Variants in DCAF7 observed in about 807,000 individuals in gnomAD.
The protein encoded by DCAF7 is DDB1- and CUL4-associated factor 7.
In DCAF7, 4 loss-of-function variants were observed where a neutral mutation model predicts 41.2. That is an observed-to-expected ratio of 0.10 (90% CI 0.05 to 0.22). The LOEUF (loss-of-function observed/expected upper bound fraction) is 0.22, where lower values mean the gene tolerates loss of function less well. Ranked by LOEUF, DCAF7 falls within the 10% of genes least tolerant of loss-of-function variation. DCAF7 has a pLI of 1.00. For synonymous variants in DCAF7, 143 were observed against 164.2 expected, an observed-to-expected ratio of 0.87 and a Z score of 0.99; for missense variants, 131 against 443.2, an observed-to-expected ratio of 0.30 and a Z score of 6.32.
chr17:63,576,749 A>G (rs1424131817), intron 1 of DCAF7, among the ~76,000 whole-genome samples: 1 of 152,040 alleles, frequency 6.6e-6, no homozygotes, highest in Non-Finnish European at 1.5e-5. Context: ...CCCCATCTCT[A>G]CAAAAAATTT....
intron 1 of DCAF7, among the ~76,000 whole-genome samples, chr17:63,578,156 G>A (rs1020911998): frequency 3.3e-5 from 5 of 152,136 alleles, no homozygotes; most frequent in Non-Finnish European, 7.3e-5. Context: ...TTGAGCCCAG[G>A]AGTTCAAGGC....
chr17:63,564,760 G>A (rs537271449), intron 1 of DCAF7, among the ~76,000 whole-genome samples: 6 of 152,198 alleles, frequency 3.9e-5, no homozygotes, highest in Non-Finnish European at 5.9e-5. Context: ...CACCTGTCTC[G>A]GGCTTCAGCC....
chr17:63,555,964 G>A (rs1190749724), intron 1 of DCAF7, among the ~76,000 whole-genome samples: 1 of 152,284 alleles, frequency 6.6e-6, no homozygotes, highest in South Asian at 2.1e-4. Flanking sequence ...TCTGAGCCAC[G>A]AGCCAAAGGT....
At chr17:63,577,867 A>T (rs1188407133) in intron 1 of DCAF7, among the ~76,000 whole-genome samples, 5 of 152,174 alleles carry the variant, frequency 3.3e-5, no homozygotes, top group Non-Finnish European at 7.3e-5. Context: ...GGCCTGGCAG[A>T]TAGTGCACTT....
intron 1 of DCAF7, among the ~76,000 whole-genome samples, chr17:63,557,195 A>G (rs2147758540): frequency 6.6e-6 from 1 of 152,320 alleles, no homozygotes; most frequent in South Asian, 2.1e-4. Flanking sequence ...TGTGAGTTCA[A>G]AGAACTTAAG....
chr17:63,583,478 C>A, intron 4 of DCAF7, 24 bp from the exon 5 acceptor site: 1 of 1,604,460 alleles, frequency 6.2e-7, no homozygotes, highest in Non-Finnish European at 8.5e-7. Flanking sequence ...CTGAATCTGA[C>A]TGGAGCTTCT....
Position 63,550,641 on chromosome 17 carries a change from C to T in DCAF7, c.-37C>T, listed in dbSNP as rs2033238797. ...TCGGCTCCCCGCCCGCCGCAGCCCACTGTTGACCCGGCCCGTACTGCGGCC... is the reference window on the plus strand; with the variant it reads ...TCGGCTCCCCGCCCGCCGCAGCCCATTGTTGACCCGGCCCGTACTGCGGCC... On this transcript the variant is annotated 5_prime_UTR_variant, in exon 1 of 7. Coordinates refer to ENST00000614556, the MANE Select transcript of DCAF7 (RefSeq NM_005828.5). The surrounding 1 kb of genome is among the most constrained non-coding windows in gnomAD (Gnocchi z 4.8). The T allele has an allele frequency of 6.2e-7, 1 of 1,608,568 alleles. No individual in the cohort carries two copies. The highest frequency in any genetic ancestry group is 8.5e-7 in the Non-Finnish European group (1 of 1,177,210).
At chr17:63,565,990 A>G (rs1321605451) in intron 1 of DCAF7, among the ~76,000 whole-genome samples, 1 of 152,016 alleles carries the variant, frequency 6.6e-6, no homozygotes, top group East Asian at 1.9e-4. Flanking sequence ...AATCCTAGCT[A>G]CTCAGGAAAC....
At chr17:63,583,418 T>C (rs909785377) in intron 4 of DCAF7, 84 bp from the exon 5 acceptor site, 1 of 1,237,616 alleles carries the variant, frequency 8.1e-7, no homozygotes, top group Admixed American at 2.0e-5. Flanking sequence ...GAGGTTTAGA[T>C]GAACTGGACG....
intron 4 of DCAF7, among the ~76,000 whole-genome samples, chr17:63,582,950 A>G (rs2033639880): frequency 6.6e-6 from 1 of 152,196 alleles, no homozygotes; most frequent in Non-Finnish European, 1.5e-5. Context: ...GGTGCTACTA[A>G]CCTATTTGTG....
At chr17:63,580,474 A>G (rs1436922936) in intron 4 of DCAF7, among the ~76,000 whole-genome samples, 1 of 87,564 alleles carries the variant, frequency 1.1e-5, no homozygotes, top group Non-Finnish European at 2.3e-5. Flanking sequence ...TTCTGTGTTT[A>G]TTGGGAAAAC....
intron 1 of DCAF7, among the ~76,000 whole-genome samples, chr17:63,555,234 G>A (rs1414906732): frequency 2.6e-5 from 4 of 152,164 alleles, no homozygotes; most frequent in Admixed American, 6.5e-5. Flanking sequence ...GTGTGATTGG[G>A]ATTTAGTTTG....
chr17:63,551,891 C>CAAAAAAAAAAAAAAAAAAAAA lies in DCAF7; in HGVS notation c.138+1096_138+1116dup, dbSNP rs529811578. Among the ~76,000 whole-genome samples the CAAAAAAAAAAAAAAAAAAAAA allele has an allele frequency of 1.5e-4, 4 of 27,292 alleles. 1 individual carries two copies. Among genetic ancestry groups the CAAAAAAAAAAAAAAAAAAAAA allele is most frequent in the Non-Finnish European group, 3.2e-4 (4 of 12,474 alleles). The allele number at this position is 27,292 out of a possible 152,430, so 17.9% of individuals were successfully genotyped here. ...GTGAAACCCCGTCTCTACTAAAATA[C>CAAAAAAAAAAAAAAAAAAAAA]AAAAAAAAAAAAAAAAAAAAAAAAA... On this transcript the variant is annotated intron_variant, in intron 1 of 6. Transcript: ENST00000614556.
rs1426731741 is a variant in DCAF7 at position 63,591,159 on chromosome 17, A to G, written c.*1987A>G. The G allele has an allele frequency of 6.6e-6, 1 of 152,126 alleles. No homozygotes were observed. Among genetic ancestry groups the G allele is most frequent in the Non-Finnish European group, 1.5e-5 (1 of 68,018 alleles). The allele number at this position is 152,126 out of a possible 1,614,324, so 9.4% of individuals were successfully genotyped here. A position where few individuals can be genotyped will look rare whatever the true frequency, so the allele number is the denominator to read the frequency against. On this transcript the variant is annotated 3_prime_UTR_variant, in exon 7 of 7. Transcript: ENST00000614556. Reference sequence around the variant, plus strand: ...CCTTCTCTCAAGGGTAGCAAGGCCAAGCTGATGGCTGCTTGTTTAGGAGGC... The same window carrying G: ...CCTTCTCTCAAGGGTAGCAAGGCCAGGCTGATGGCTGCTTGTTTAGGAGGC...
At chr17:63,574,297 C>T (rs73332092) in intron 1 of DCAF7, among the ~76,000 whole-genome samples, 2,214 of 152,174 alleles carry the variant, frequency 0.015, 55 homozygotes, top group African/African-American at 0.049. Context: ...CAATTGTTAT[C>T]GATTATTATC....
At position 63,594,204 on chromosome 17, in the gene DCAF7, C is replaced by T. The variant is rs1265901496; in HGVS notation, c.*5032C>T. On this transcript the variant is annotated 3_prime_UTR_variant, in exon 7 of 7. Transcript: ENST00000614556. ...TTTCACCCTTTCATTCTGTTTCAGC[C>T]TCCTGTATAAGAAGTACCGTATTTT... 2 of 152,602 alleles carry T rather than the reference C, an allele frequency of 1.3e-5. No homozygotes were observed. The highest frequency in any genetic ancestry group is 1.5e-5 in the Non-Finnish European group (1 of 68,038). The allele number at this position is 152,602 out of a possible 1,614,324, so 9.5% of individuals were successfully genotyped here.
chr17:63,563,214 C>A (rs1305505190), intron 1 of DCAF7, among the ~76,000 whole-genome samples: 1 of 152,156 alleles, frequency 6.6e-6, no homozygotes, highest in African/African-American at 2.4e-5. Context: ...ATATCTAGTT[C>A]ATAGGAGAGG....
At chr17:63,568,750 C>T (rs1180172080) in intron 1 of DCAF7, among the ~76,000 whole-genome samples, 1 of 152,144 alleles carries the variant, frequency 6.6e-6, no homozygotes, top group African/African-American at 2.4e-5. Flanking sequence ...GGGACTGGAC[C>T]CGGCCAGTGG....
At chr17:63,570,179 C>A (rs989931706) in intron 1 of DCAF7, among the ~76,000 whole-genome samples, 3 of 151,962 alleles carry the variant, frequency 2.0e-5, no homozygotes, top group African/African-American at 7.2e-5. Flanking sequence ...AAAGGCAAGG[C>A]GTGATGGCTC....
Sources: gnomAD v4.1 joint callset for allele counts (sites outside exome capture counted in the v4.1 genomes callset) on GRCh38, gnomAD v4.1.1 for gene constraint, Gnocchi (gnomAD v3.1) non-coding constraint, MANE v1.5 for transcripts, NCBI Gene and HGNC (gene_info 2026-07-23, HGNC 2026-07-21) for gene names.